PDPN: variants seen among roughly 807,000 people sequenced by gnomAD.
PDPN encodes PA2.26 antigen.
PDPN carries 12 observed loss-of-function variants against 23.2 expected under a neutral mutation model. The observed-to-expected ratio is 0.52, with a 90% CI of 0.33 to 0.84. The LOEUF is 0.84. Among genes scored for constraint, PDPN ranks in the 40% least tolerant of loss-of-function variants. PDPN has a pLI of 0.02. For synonymous variants in PDPN, 77 were observed against 76.7 expected, an observed-to-expected ratio of 1.00 and a Z score of -0.02; for missense variants, 199 against 212.2, an observed-to-expected ratio of 0.94 and a Z score of 0.39.
chr1:13,606,195 G>C (rs1640786028), intron 1 of PDPN, among the ~76,000 whole-genome samples: 1 of 151,990 alleles, frequency 6.6e-6, no homozygotes, highest in Non-Finnish European at 1.5e-5. Flanking sequence ...TCACCGTGTT[G>C]GCCAGGCTGG....
rs145991568 is a variant in PDPN at position 13,608,872 on chromosome 1, C to T, written c.202-1515C>T. On this transcript the variant is annotated intron_variant, in intron 2 of 5. Coordinates refer to ENST00000621990, the MANE Select transcript of PDPN (RefSeq NM_006474.5). ...GAAAGACAGTTTTGGCGGGAAGAGT[C>T]GTTACAGCGGGAGGGGTAAATTACA... Among the ~76,000 whole-genome samples the T allele has an allele frequency of 2.6e-3, 394 of 152,112 alleles. 4 individuals carry two copies. The highest frequency in any genetic ancestry group is 9.1e-3 in the African/African-American group (378 of 41,480).
At chr1:13,593,630 G>A in intron 1 of PDPN, among the ~76,000 whole-genome samples, 1 of 152,204 alleles carries the variant, frequency 6.6e-6, no homozygotes, top group East Asian at 1.9e-4. Flanking sequence ...GGCTGTCTGA[G>A]CTGCGTGGGG....
intron 1 of PDPN, among the ~76,000 whole-genome samples, chr1:13,595,253 C>G (rs533407213): frequency 6.6e-6 from 1 of 152,274 alleles, no homozygotes; most frequent in East Asian, 1.9e-4. Context: ...TATATCCTGT[C>G]CCTTCCTGAT....
chr1:13,585,900 G>T (rs1356898235), intron 1 of PDPN, among the ~76,000 whole-genome samples: 3 of 152,140 alleles, frequency 2.0e-5, no homozygotes, highest in African/African-American at 7.2e-5. Flanking sequence ...TTATGGTGAT[G>T]AATTTTATGA....
At chr1:13,590,846 CAGTCT>C (rs1285419390) in intron 1 of PDPN, among the ~76,000 whole-genome samples, 2 of 123,754 alleles carry the variant, frequency 1.6e-5, no homozygotes, top group Admixed American at 1.0e-4. Context: ...TTTGTGGGAC[CAGTCT>C]AGGGGCAGGT....
At chr1:13,605,452 T>C (rs1211465750) in intron 1 of PDPN, among the ~76,000 whole-genome samples, 1 of 152,254 alleles carries the variant, frequency 6.6e-6, no homozygotes, top group Non-Finnish European at 1.5e-5. Flanking sequence ...AGTCACATTT[T>C]TAATGCACAA....
chr1:13,587,293 A>C (rs1256738390), intron 1 of PDPN, among the ~76,000 whole-genome samples: 4 of 152,234 alleles, frequency 2.6e-5, no homozygotes, highest in Non-Finnish European at 5.9e-5. Context: ...CTAGATGCAG[A>C]ATTTGAACTG....
chr1:13,604,905 A>G (rs1640743711), intron 1 of PDPN, among the ~76,000 whole-genome samples: 1 of 152,150 alleles, frequency 6.6e-6, no homozygotes. Context: ...CTCCAGCAAA[A>G]GGCCACATGG....
At chr1:13,587,416 C>T (rs1195684255) in intron 1 of PDPN, among the ~76,000 whole-genome samples, 1 of 152,086 alleles carries the variant, frequency 6.6e-6, no homozygotes, top group East Asian at 1.9e-4. Context: ...GAATATTTGT[C>T]ATATTTCTGG....
intron 1 of PDPN, among the ~76,000 whole-genome samples, chr1:13,588,365 A>G (rs1640236076): frequency 6.6e-6 from 1 of 152,030 alleles, no homozygotes; most frequent in Admixed American, 6.6e-5. Flanking sequence ...ATTATTGATG[A>G]GAACAGGGCA....
chr1:13,589,082 A>C (rs1178799987), intron 1 of PDPN, among the ~76,000 whole-genome samples: 2 of 134,144 alleles, frequency 1.5e-5, no homozygotes, highest in Non-Finnish European at 3.2e-5. Flanking sequence ...GCTTACCGTT[A>C]GTAGGAAAGG....
chr1:13,614,510 T>A, intron 5 of PDPN, 99 bp downstream of exon 5: 15 of 741,388 alleles, frequency 2.0e-5, no homozygotes, highest in South Asian at 1.6e-4. Flanking sequence ...ATAAGCTGGG[T>A]GTGGTGGCTC....
In PDPN at chr1:13,613,807, G is replaced by A. The variant is rs529060763; in HGVS notation, c.370+82G>A. ...GAAGCTAATTGTTGAGACGAATTGCGTTCTTTTCTGGATTGCAGTCAATGA... is the reference window on the plus strand; with the variant it reads ...GAAGCTAATTGTTGAGACGAATTGCATTCTTTTCTGGATTGCAGTCAATGA... On this transcript the variant is annotated intron_variant, in intron 4 of 5. Transcript: ENST00000621990. 1.9e-4 allele frequency: 139 copies of A among 740,014 alleles called. 4 individuals carry two copies. In the Middle Eastern group the frequency reaches 0.015, roughly 78 times the overall value. 45.8% of individuals were successfully genotyped at this position (740,014 alleles called of 1,614,324 possible). A position where few individuals can be genotyped will look rare whatever the true frequency, so the allele number is the denominator to read the frequency against.
intron 1 of PDPN, among the ~76,000 whole-genome samples, chr1:13,586,196 A>T (rs150815612): frequency 6.6e-6 from 1 of 152,228 alleles, no homozygotes; most frequent in South Asian, 2.1e-4. Flanking sequence ...TCCGGGACCA[A>T]TCCACCCAGG....
At chr1:13,606,313 C>G (rs1640788725) in intron 1 of PDPN, among the ~76,000 whole-genome samples, 1 of 152,090 alleles carries the variant, frequency 6.6e-6, no homozygotes, top group South Asian at 2.1e-4. Context: ...TAGTTTGGCT[C>G]TTGGTGTACT....
intron 1 of PDPN, among the ~76,000 whole-genome samples, chr1:13,588,980 A>AGCGCTACTATTCAATAAATTGAATAGT (rs1553143570): frequency 2.4e-5 from 3 of 126,790 alleles, no homozygotes; most frequent in Non-Finnish European, 5.4e-5. Flanking sequence ...TTCATTGAAT[A>AGCGCTACTATTCAATAAATTGAATAGT]GCTACTATTC....
intron 1 of PDPN, chr1:13,584,381 C>T: frequency 1.5e-6 from 2 of 1,356,000 alleles, no homozygotes; most frequent in Non-Finnish European, 2.0e-6. Flanking sequence ...TCGGCAGCAC[C>T]AGAGAGATCG....
chr1:13,613,905 G>A (rs888223569), intron 4 of PDPN, among the ~76,000 whole-genome samples, 180 bp downstream of exon 4: 1 of 149,230 alleles, frequency 6.7e-6, no homozygotes, highest in African/African-American at 2.5e-5. Context: ...GAGAGAAAAG[G>A]GAATTTCTTG....
At chr1:13,588,489 TAGAAG>T in intron 1 of PDPN, among the ~76,000 whole-genome samples, 1 of 151,560 alleles carries the variant, frequency 6.6e-6, no homozygotes, top group Middle Eastern at 3.5e-3. Flanking sequence ...TCAGTTTGCC[TAGAAG>T]AGGAGAAGAA....
Sources: allele counts gnomAD v4.1 joint callset (sites outside exome capture counted in the v4.1 genomes callset), GRCh38; gene constraint gnomAD v4.1.1; transcripts MANE v1.5; gene names NCBI Gene and HGNC (gene_info 2026-07-23, HGNC 2026-07-21).